The following ROBO1 variants were observed in gnomAD, a reference collection of about 807,000 sequenced individuals.
The protein encoded by ROBO1 is roundabout guidance receptor 1, also known as roundabout homolog 1.
Under a neutral mutation model 195.9 loss-of-function variants are expected in ROBO1, and 149 were observed. The observed-to-expected ratio is 0.76, with a 90% CI of 0.67 to 0.87. The LOEUF (loss-of-function observed/expected upper bound fraction) is 0.87. Ranked by LOEUF, ROBO1 falls within the 40% of genes least tolerant of loss-of-function variation. ROBO1 has a pLI of 0.00. For synonymous variants in ROBO1, 816 were observed against 733.2 expected (o/e 1.11, Z -1.82); for missense variants, 1,933 against 2,068.3 (o/e 0.93, Z 1.27).
chr3:78,882,005 G>A (rs1236414201), intron 4 of ROBO1, among the ~76,000 whole-genome samples: 1 of 152,144 alleles, frequency 6.6e-6, no homozygotes, highest in Non-Finnish European at 1.5e-5. Flanking sequence ...GTCATTAGAT[G>A]TGATGTTTAT....
intron 2 of ROBO1, among the ~76,000 whole-genome samples, chr3:79,443,008 T>A (rs1193425284): frequency 1.3e-5 from 2 of 152,234 alleles, no homozygotes; most frequent in African/African-American, 4.8e-5. Context: ...TTCAGATGTC[T>A]TTGTCATTAG....
chr3:79,251,500 C>G (rs1576878200), intron 2 of ROBO1, among the ~76,000 whole-genome samples: 3 of 152,268 alleles, frequency 2.0e-5, no homozygotes, highest in East Asian at 3.9e-4. Flanking sequence ...TGCCTGTAAT[C>G]CCAGCACTTT....
At chr3:78,603,582 G>A (rs1396190265) in intron 29 of ROBO1, among the ~76,000 whole-genome samples, 3 of 151,996 alleles carry the variant, frequency 2.0e-5, no homozygotes, top group East Asian at 1.9e-4. Context: ...TTGAACTAAC[G>A]GAGGCAAATG....
In ROBO1 at chr3:79,359,724, C is replaced by T. The variant is rs138800295; in HGVS notation, c.88+230100G>A. ...CCATTTTATTAATCTGAACACTTCT[C>T]GGATTATAAAATATCCTAAGAAAAG... On this transcript the variant is annotated intron_variant, in intron 2 of 30. Coordinates refer to ENST00000464233, the MANE Select transcript of ROBO1 (RefSeq NM_002941.4). Among the ~76,000 whole-genome samples the T allele has an allele frequency of 4.8e-3, 734 of 151,932 alleles. 2 individuals carry two copies. Among genetic ancestry groups the T allele is most frequent in the Middle Eastern group, 0.031 (9 of 294 alleles).
chr3:79,664,550 A>T (rs937912810), intron 1 of ROBO1, among the ~76,000 whole-genome samples: 11 of 152,136 alleles, frequency 7.2e-5, no homozygotes, highest in African/African-American at 2.6e-4. Flanking sequence ...ATTTTGTAGG[A>T]TTGGCTTCAA....
chr3:78,884,311 A>C (rs896579637), intron 4 of ROBO1, among the ~76,000 whole-genome samples: 2 of 152,088 alleles, frequency 1.3e-5, no homozygotes, highest in Non-Finnish European at 2.9e-5. Flanking sequence ...AAAGCCAGTT[A>C]TCAAATAGCA....
chr3:79,459,592 A>G (rs766846483), intron 2 of ROBO1, among the ~76,000 whole-genome samples: 8 of 152,128 alleles, frequency 5.3e-5, no homozygotes, highest in Admixed American at 2.6e-4. Flanking sequence ...TTACCATTTA[A>G]AAGTAATCTT....
Position 79,488,785 on chromosome 3 carries a change from A to C in ROBO1, c.88+101039T>G, listed in dbSNP as rs180952347. On this transcript the variant is annotated intron_variant, in intron 2 of 30. Transcript: ENST00000464233. ...AAAGCAAATACTAAAACCTGGCGCC[A>C]TGTACTTTGGACAAAATGTATTTCT... Among the ~76,000 whole-genome samples the C allele has an allele frequency of 7.6e-3, 1,163 of 152,278 alleles. 7 individuals carry two copies. The highest frequency in any genetic ancestry group is 0.013 in the Non-Finnish European group (874 of 68,022).
At chr3:78,654,467 C>T (rs1228125176) in intron 18 of ROBO1, among the ~76,000 whole-genome samples, 4 of 152,172 alleles carry the variant, frequency 2.6e-5, no homozygotes, top group African/African-American at 4.8e-5. Flanking sequence ...TAAAGTTCAC[C>T]GAGCAGACCT....
rs1396095279 is a variant in ROBO1, at chr3:78,639,890, A to G, written c.2891T>C (p.Leu964Pro). ...EAVSSGGRPG[L>P]LNISEPAAQP... ...CGCGGCAGGTTCACTGATGTTGAGA[A>G]GTCCAGGCCTAAATAAAAAAAAAAT... is the stretch of plus-strand genomic sequence containing the variant. Residue 964 changes from leucine (L) to proline (P), a missense_variant, in exon 22 of 31, where the codon CTT (leucine) becomes CCT (proline). Around this residue, in one of 3 missense-constraint regions of ROBO1, gnomAD observed 1,737 missense variants for 1,882.5 expected, o/e 0.92. Transcript: ENST00000464233. The G allele has an allele frequency of 2.5e-6, 4 of 1,582,454 alleles. No homozygotes were observed. The highest frequency in any genetic ancestry group is 3.4e-6 in the Non-Finnish European group (4 of 1,163,614).
At chr3:78,903,096 A>G (rs2037683444) in intron 4 of ROBO1, among the ~76,000 whole-genome samples, 1 of 152,164 alleles carries the variant, frequency 6.6e-6, no homozygotes, top group African/African-American at 2.4e-5. Flanking sequence ...ACAGAAACAC[A>G]ATTCTCTTCA....
At chr3:78,822,213 T>C (rs2031071201) in intron 4 of ROBO1, among the ~76,000 whole-genome samples, 1 of 151,540 alleles carries the variant, frequency 6.6e-6, no homozygotes. Context: ...CACAAAAAAG[T>C]CAAAGATATT....
At chr3:79,758,799 A>G (rs1326784927) in intron 1 of ROBO1, among the ~76,000 whole-genome samples, 1 of 152,156 alleles carries the variant, frequency 6.6e-6, no homozygotes, top group African/African-American at 2.4e-5. Flanking sequence ...CCTGGAGTCT[A>G]TGAAAGGCAG....
chr3:79,713,756 G>A (rs1287565880), intron 1 of ROBO1, among the ~76,000 whole-genome samples: 1 of 152,036 alleles, frequency 6.6e-6, no homozygotes, highest in Non-Finnish European at 1.5e-5. Context: ...AATCCATCTT[G>A]AATTAATTTT....
chr3:79,164,069 T>C (rs2081020393), intron 2 of ROBO1, among the ~76,000 whole-genome samples: 1 of 152,114 alleles, frequency 6.6e-6, no homozygotes, highest in Non-Finnish European at 1.5e-5. Flanking sequence ...AGTGAAATCC[T>C]CCAAAGGTCT....
intron 2 of ROBO1, among the ~76,000 whole-genome samples, chr3:79,168,883 A>T (rs1215922204): frequency 6.6e-6 from 1 of 152,182 alleles, no homozygotes; most frequent in Admixed American, 6.5e-5. Flanking sequence ...TAGAACATTG[A>T]AATAGACTGT....
chr3:79,483,268 T>G (rs977199612), intron 2 of ROBO1, among the ~76,000 whole-genome samples: 1 of 152,186 alleles, frequency 6.6e-6, no homozygotes, highest in Non-Finnish European at 1.5e-5. Flanking sequence ...GTTAATTCTG[T>G]CATGATACAG....
chr3:78,699,734 C>T (rs115944974), intron 8 of ROBO1, among the ~76,000 whole-genome samples: 1,655 of 151,996 alleles, frequency 0.011, 36 homozygotes, highest in African/African-American at 0.037. Context: ...AGTGTCTTCT[C>T]GTATCACCTC....
At chr3:79,306,383 A>G (rs200365742) in intron 2 of ROBO1, among the ~76,000 whole-genome samples, 1 of 151,552 alleles carries the variant, frequency 6.6e-6, no homozygotes, top group Admixed American at 6.6e-5. Context: ...CAAGATATCA[A>G]TTTTTTTTTA....
Sources: allele counts gnomAD v4.1 joint callset (sites outside exome capture counted in the v4.1 genomes callset), GRCh38; gene constraint gnomAD v4.1.1; regional missense constraint gnomAD v4.1.1; transcripts MANE v1.5; gene names NCBI Gene and HGNC (gene_info 2026-07-23, HGNC 2026-07-21).